Variants in VPS8 observed in about 807,000 individuals in gnomAD.
VPS8 encodes the protein VPS8 subunit of CORVET complex.
A neutral mutation model predicts 216.4 loss-of-function variants in VPS8; 129 were observed. The observed-to-expected ratio is 0.60, with a 90% CI of 0.52 to 0.69. VPS8 has a LOEUF of 0.69. Among genes scored for constraint, VPS8 ranks in the 30% least tolerant of loss-of-function variants. VPS8 has a pLI of 0.00. For synonymous variants in VPS8, 571 were observed against 565.4 expected, an observed-to-expected ratio of 1.01 and a Z score of -0.14; for missense variants, 1,531 against 1,683.5, an observed-to-expected ratio of 0.91 and a Z score of 1.59.
At position 185,050,297 on chromosome 3, in the gene VPS8, C is replaced by T. The variant is rs547540948; in HGVS notation, c.4138-1579C>T. Reference sequence around the variant, plus strand: ...AGGGTTACGGAAGAAGGAAGTGGCACGAAGTGGACTCTTGGCCCCTGGAGT... The same window carrying T: ...AGGGTTACGGAAGAAGGAAGTGGCATGAAGTGGACTCTTGGCCCCTGGAGT... On this transcript the variant is annotated intron_variant, in intron 47 of 47. Transcript: ENST00000625842. Among the ~76,000 whole-genome samples the T allele has an allele frequency of 6.2e-4, 95 of 152,146 alleles. 1 individual carries two copies. Among genetic ancestry groups the T allele is most frequent in the Non-Finnish European group, 1.1e-3 (77 of 68,014 alleles).
Position 184,994,082 on chromosome 3 carries a change from A to T in VPS8, c.3666+19A>T. On this transcript the variant is annotated intron_variant, in intron 43 of 47. Coordinates refer to ENST00000625842, the MANE Select transcript of VPS8 (RefSeq NM_001009921.3). ...TGAACAAGTAAGTAAGCTACTTGTT[A>T]CATCTAAGTCTGTCCTAAGGTAGAA... 1 of 1,499,100 alleles carries T rather than the reference A, an allele frequency of 6.7e-7. No homozygotes were observed. The highest frequency in any genetic ancestry group is 9.0e-7 in the Non-Finnish European group (1 of 1,113,202). The allele number at this position is 1,499,100 out of a possible 1,614,324, so 92.9% of individuals were successfully genotyped here. A position where few individuals can be genotyped will look rare whatever the true frequency, so the allele number is the denominator to read the frequency against.
intron 42 of VPS8, among the ~76,000 whole-genome samples, chr3:184,989,104 T>G (rs1751524315): frequency 6.6e-6 from 1 of 152,220 alleles, no homozygotes; most frequent in African/African-American, 2.4e-5. Context: ...ATCTTTTGTT[T>G]CCTTTTCTTG....
intron 36 of VPS8, among the ~76,000 whole-genome samples, chr3:184,956,828 CA>C (rs562464759): frequency 1.3e-5 from 2 of 151,920 alleles, no homozygotes; most frequent in Non-Finnish European, 2.9e-5. Flanking sequence ...TAACAATAAC[CA>C]AAAAAATTAG....
At chr3:184,864,202 A>G (rs1726916761) in intron 16 of VPS8, among the ~76,000 whole-genome samples, 1 of 152,144 alleles carries the variant, frequency 6.6e-6, no homozygotes, top group Non-Finnish European at 1.5e-5. Context: ...TTCTTAAGAC[A>G]CTGGACATCT....
Position 184,899,065 on chromosome 3 carries a change from G to A in VPS8, c.2094+411G>A, listed in dbSNP as rs568079508. Among the ~76,000 whole-genome samples, 33 of 152,170 alleles carry A rather than the reference G, an allele frequency of 2.2e-4. No homozygotes were observed. The South Asian group carries it at 2.5e-3, about 11-fold the overall frequency. The stretch of plus-strand genomic sequence containing the variant: ...TTGTAGATATATTCTGCTGGGGAAG[G>A]CTCCTGAAAATGGTAGGAGGCCATT... On this transcript the variant is annotated intron_variant, in intron 24 of 47. Transcript: ENST00000625842.
At chr3:185,039,976 T>C (rs1759423135) in intron 46 of VPS8, among the ~76,000 whole-genome samples, 1 of 152,188 alleles carries the variant, frequency 6.6e-6, no homozygotes, top group Non-Finnish European at 1.5e-5. Flanking sequence ...GTAGATTGTT[T>C]TTAACTCTTT....
chr3:184,858,200 T>G (rs1270846943), intron 14 of VPS8, among the ~76,000 whole-genome samples: 1 of 152,180 alleles, frequency 6.6e-6, no homozygotes, highest in Non-Finnish European at 1.5e-5. Flanking sequence ...AGAAGCAAAT[T>G]ATAAGGATGA....
intron 3 of VPS8, among the ~76,000 whole-genome samples, chr3:184,828,763 T>C (rs1042680486): frequency 4.6e-5 from 7 of 152,168 alleles, no homozygotes; most frequent in Admixed American, 2.0e-4. Flanking sequence ...ATATCATACA[T>C]AGAGGAAGGT....
Position 184,982,629 on chromosome 3 carries a change from C to T in VPS8, c.3484C>T (p.Pro1162Ser). ...TCAGAAGCTGTCCAGTTCAGCCATT[C>T]CTCATCTACACTCTGAAGGTAAGTT... ...APQKLSSSAI[P>S]HLHSEALKSL... is the part of the protein sequence containing the mutation. The change falls in exon 41 of 48, where the codon CCT becomes TCT. Residue 1162 changes from proline (P) to serine (S), a missense_variant. Coordinates refer to ENST00000625842, the MANE Select transcript of VPS8 (RefSeq NM_001009921.3). 3 of 1,612,942 alleles carry T rather than the reference C, an allele frequency of 1.9e-6. No homozygotes were observed. The highest frequency in any genetic ancestry group is 2.5e-6 in the Non-Finnish European group (3 of 1,179,570).
At chr3:184,839,572 T>G (rs1721738508) in intron 6 of VPS8, 126 bp from the exon 7 acceptor site, 3 of 874,410 alleles carry the variant, frequency 3.4e-6, no homozygotes, top group Admixed American at 3.2e-5. Context: ...GATGAAATTC[T>G]TCTTATTTAC....
chr3:184,910,505 C>T, intron 25 of VPS8, among the ~76,000 whole-genome samples: 1 of 152,218 alleles, frequency 6.6e-6, no homozygotes, highest in African/African-American at 2.4e-5. Flanking sequence ...ACTCCAAAAC[C>T]TTCAGAGAGG....
chr3:184,977,113 G>A (rs148915984), intron 40 of VPS8, among the ~76,000 whole-genome samples: 400 of 152,152 alleles, frequency 2.6e-3, no homozygotes, highest in Non-Finnish European at 4.2e-3. Flanking sequence ...CCTCCGCAGC[G>A]TTGTGAATGT....
chr3:184,900,698 G>A (rs950453517), intron 24 of VPS8, among the ~76,000 whole-genome samples: 16 of 152,060 alleles, frequency 1.1e-4, no homozygotes, highest in Non-Finnish European at 1.3e-4. Context: ...TATATAACTG[G>A]TATTTATTAA....
intron 14 of VPS8, among the ~76,000 whole-genome samples, chr3:184,859,257 G>T (rs1385900551): frequency 6.6e-6 from 1 of 152,106 alleles, no homozygotes; most frequent in South Asian, 2.1e-4. Context: ...TTACCCATTT[G>T]TAAACTGCTG....
At chr3:184,950,925 G>A (rs1405128038) in intron 36 of VPS8, among the ~76,000 whole-genome samples, 4 of 152,094 alleles carry the variant, frequency 2.6e-5, no homozygotes, top group African/African-American at 9.7e-5. Flanking sequence ...GCATAGTATT[G>A]CATGGTGTAT....
At chr3:184,961,914 AC>A (rs1746598808) in intron 37 of VPS8, among the ~76,000 whole-genome samples, 1 of 151,896 alleles carries the variant, frequency 6.6e-6, no homozygotes, top group African/African-American at 2.4e-5. Context: ...TTATAGGTGC[AC>A]ACCACCGTGC....
chr3:184,914,953 C>A, intron 26 of VPS8, 28 bp from the exon 27 acceptor site: 1 of 1,605,696 alleles, frequency 6.2e-7, no homozygotes, highest in Non-Finnish European at 8.5e-7. Flanking sequence ...TACAAGTCAC[C>A]ATATCCATTC....
chr3:184,973,428 T>G (rs6444007), intron 40 of VPS8, among the ~76,000 whole-genome samples: 35,591 of 151,814 alleles, frequency 0.23, 4,567 homozygotes, highest in African/African-American at 0.35. Context: ...TCTTAATTGA[T>G]GCATAATAAT....
At chr3:184,994,115 A>T in intron 43 of VPS8, 52 bp downstream of exon 43, 1 of 1,325,968 alleles carries the variant, frequency 7.5e-7, no homozygotes, top group South Asian at 1.6e-5. Context: ...GAAAAATGCT[A>T]TTTTTTTTAA....
Sources: gnomAD v4.1 joint callset for allele counts (sites outside exome capture counted in the v4.1 genomes callset) on GRCh38, gnomAD v4.1.1 for gene constraint, MANE v1.5 for transcripts, NCBI Gene and HGNC (gene_info 2026-07-23, HGNC 2026-07-21) for gene names.